Variants in YIPF6 observed in about 807,000 individuals in gnomAD.
YIPF6 encodes Yip1 domain family member 6.
YIPF6 carries 3 observed loss-of-function variants against 16.8 expected under a neutral mutation model. The observed-to-expected ratio is 0.18, with a 90% CI of 0.08 to 0.46. YIPF6 has a LOEUF of 0.46. YIPF6 is among the 20% of genes least tolerant of loss of function. The probability of loss-of-function intolerance (pLI) is 0.98; values close to 1 mark genes in which losing one functional copy is unlikely to be tolerated. For missense variants in YIPF6, 145 were observed against 184.9 expected, an observed-to-expected ratio of 0.78 and a Z score of 1.25; for synonymous variants, 67 against 61.9, an observed-to-expected ratio of 1.08 and a Z score of -0.38.
At chrX:68,512,013 A>G (rs765913940) in intron 2 of YIPF6, 36 bp downstream of exon 2, 1 of 1,163,687 alleles carries the variant, frequency 8.6e-7, no homozygotes, top group East Asian at 3.0e-5. Context: ...TCTGTTCAGT[A>G]TCATGGGACT....
At chrX:68,506,302 C>T (rs940630636) in intron 1 of YIPF6, among the ~76,000 whole-genome samples, 4 of 110,276 alleles carry the variant, frequency 3.6e-5, no homozygotes, top group African/African-American at 9.9e-5. Context: ...TATCTACTTA[C>T]GATGAATCTT....
At chrX:68,520,811 A>G (rs1216886972) in intron 4 of YIPF6, among the ~76,000 whole-genome samples, 1 of 111,373 alleles carries the variant, frequency 9.0e-6, no homozygotes, top group African/African-American at 3.3e-5. Context: ...TCTTAACCCA[A>G]GAACTACAAA....
intron 1 of YIPF6, among the ~76,000 whole-genome samples, chrX:68,499,699 G>A (rs988424367): frequency 4.5e-5 from 5 of 111,804 alleles, no homozygotes; most frequent in African/African-American, 1.6e-4. Flanking sequence ...GGGCAGTGGC[G>A]CGGTCTCTGC....
chrX:68,515,727 G>T lies in YIPF6; in HGVS notation c.265+2322G>T, dbSNP rs1361262393. 2.7e-5 allele frequency among the ~76,000 whole-genome samples: 3 copies of T among 110,262 alleles called. No individual in the cohort carries two copies. In the Admixed American group the frequency reaches 2.9e-4, roughly 11 times the overall value. ...TCTGTCACTCAGGCTGGAATGCAGTGGTGTGATTATAGCTCACTGTGGCCT... is the reference window on the plus strand; with the variant it reads ...TCTGTCACTCAGGCTGGAATGCAGTTGTGTGATTATAGCTCACTGTGGCCT... On this transcript the variant is annotated intron_variant, in intron 3 of 6. Transcript: ENST00000462683.
intron 3 of YIPF6, chrX:68,513,647 GTA>G (rs1426460742): frequency 1.1e-5 from 2 of 184,581 alleles, no homozygotes; most frequent in African/African-American, 6.2e-5. Context: ...GAGTGCAATG[GTA>G]TGATCTTGGC....
chrX:68,505,989 T>G (rs2147818046), intron 1 of YIPF6, among the ~76,000 whole-genome samples: 1 of 111,604 alleles, frequency 9.0e-6, no homozygotes, highest in South Asian at 3.7e-4. Flanking sequence ...TCCAAGATCT[T>G]ATCTAGGATC....
intron 5 of YIPF6, among the ~76,000 whole-genome samples, chrX:68,521,829 A>G (rs1288146692): frequency 1.8e-5 from 2 of 110,008 alleles, no homozygotes; most frequent in Non-Finnish European, 3.8e-5. Flanking sequence ...CCTGGGTTCA[A>G]GTGATCCTCC....
chrX:68,523,027 T>C, intron 6 of YIPF6, 110 bp downstream of exon 6: 2 of 942,123 alleles, frequency 2.1e-6, no homozygotes, highest in Non-Finnish European at 2.9e-6. Context: ...GTGATATGAT[T>C]CTTGATAGTA....
In YIPF6 at chrX:68,523,023, T is replaced by G. The variant is rs1044494751; in HGVS notation, c.592+106T>G. 4 of 952,768 alleles carry G rather than the reference T, an allele frequency of 4.2e-6. No homozygotes were observed. In the African/African-American group the frequency reaches 7.9e-5, roughly 19 times the overall value. 78.5% of individuals were successfully genotyped at this position (952,768 alleles called of 1,213,427 possible). ...AGTCCAAAGTTAGATGTGAGTGATA[T>G]GATTCTTGATAGTATTATCCATAGA... On this transcript the variant is annotated intron_variant, in intron 6 of 6. Coordinates refer to ENST00000462683, the MANE Select transcript of YIPF6 (RefSeq NM_173834.4).
chrX:68,514,260 A>T (rs900354317), intron 3 of YIPF6: 28 of 104,166 alleles, frequency 2.7e-4, no homozygotes, highest in African/African-American at 9.3e-4. Flanking sequence ...ATATATATAT[A>T]TATTTTAAAA....
chrX:68,534,449 C>G lies in YIPF6; in HGVS notation c.*2450C>G, dbSNP rs2147829736. On this transcript the variant is annotated 3_prime_UTR_variant, in exon 7 of 7. Transcript: ENST00000462683. Reference sequence around the variant, plus strand: ...ATGAATCCAATTTTTTTGAAATAGACAATTCTGATGTTCTCTTTAGAAATA... The same window carrying G: ...ATGAATCCAATTTTTTTGAAATAGAGAATTCTGATGTTCTCTTTAGAAATA... 1 of 111,490 alleles carries G rather than the reference C, an allele frequency of 9.0e-6. No homozygotes were observed. Among genetic ancestry groups the G allele is most frequent in the South Asian group, 3.7e-4 (1 of 2,674 alleles). 9.2% of individuals were successfully genotyped at this position (111,490 alleles called of 1,213,427 possible).
rs901455622 is a variant in YIPF6, at chrX:68,511,786, G to A, written c.58-63G>A. 3.6e-6 allele frequency: 4 copies of A among 1,125,722 alleles called. No homozygotes were observed. In the African/African-American group the frequency reaches 7.3e-5, roughly 21 times the overall value. The allele number at this position is 1,125,722 out of a possible 1,213,427, so 92.8% of individuals were successfully genotyped here. A position where few individuals can be genotyped will look rare whatever the true frequency, so the allele number is the denominator to read the frequency against. On this transcript the variant is annotated intron_variant, in intron 1 of 6. Transcript: ENST00000462683. ...TGGTCCCAACTCTCTAGGAAATGAT[G>A]ATATATATGAGGAATGCTACAGTTT...
intron 1 of YIPF6, among the ~76,000 whole-genome samples, chrX:68,502,802 G>A (rs1164758998): frequency 9.1e-6 from 1 of 109,995 alleles, no homozygotes; most frequent in African/African-American, 3.3e-5. Context: ...AGAAGAGATA[G>A]GCTGTAATAA....
In YIPF6 at chrX:68,530,858, C is replaced by T. The variant is rs113652126; in HGVS notation, c.593-1023C>T. On this transcript the variant is annotated intron_variant, in intron 6 of 6. Coordinates refer to ENST00000462683, the MANE Select transcript of YIPF6 (RefSeq NM_173834.4). Reference sequence around the variant, plus strand: ...CCTCAGTTGGAAATGCACAAATCACCTGCCTTCTGTATTGATCTTGCTGGG... The same window carrying T: ...CCTCAGTTGGAAATGCACAAATCACTTGCCTTCTGTATTGATCTTGCTGGG... Among the ~76,000 whole-genome samples, 1,110 of 111,468 alleles carry T rather than the reference C, an allele frequency of 1.0e-2. 11 individuals carry two copies. Among genetic ancestry groups the T allele is most frequent in the African/African-American group, 0.034 (1,035 of 30,641 alleles).
chrX:68,523,486 A>C (rs1005063535), intron 6 of YIPF6, among the ~76,000 whole-genome samples: 3 of 111,942 alleles, frequency 2.7e-5, no homozygotes, highest in Non-Finnish European at 3.8e-5. Context: ...TGAACCTTTA[A>C]GAACTATACT....
intron 1 of YIPF6, 136 bp downstream of exon 1, chrX:68,499,259 C>T (rs1720549141): frequency 1.3e-6 from 1 of 799,794 alleles, no homozygotes; most frequent in South Asian, 2.7e-5. Context: ...GATGCCAGAA[C>T]CAGTCCCAAC....
intron 1 of YIPF6, among the ~76,000 whole-genome samples, chrX:68,511,285 C>A (rs2079079998): frequency 8.9e-6 from 1 of 112,886 alleles, no homozygotes; most frequent in South Asian, 3.6e-4. Context: ...GTTGTAATAA[C>A]ATTTGGCAGA....
At chrX:68,500,639 A>G (rs1407506347) in intron 1 of YIPF6, among the ~76,000 whole-genome samples, 1 of 111,688 alleles carries the variant, frequency 9.0e-6, no homozygotes, top group East Asian at 2.8e-4. Flanking sequence ...TGAATTAGCA[A>G]CTTAACATAG....
At chrX:68,509,647 C>A (rs771938266) in intron 1 of YIPF6, among the ~76,000 whole-genome samples, 1 of 111,456 alleles carries the variant, frequency 9.0e-6, no homozygotes, top group Non-Finnish European at 1.9e-5. Flanking sequence ...TCCTGGGTAG[C>A]ACTTTCTTAG....
Sources: allele counts gnomAD v4.1 joint callset (sites outside exome capture counted in the v4.1 genomes callset), GRCh38; gene constraint gnomAD v4.1.1; transcripts MANE v1.5; gene names NCBI Gene and HGNC (gene_info 2026-07-23, HGNC 2026-07-21).